The following MKRN1 variants were observed in gnomAD, a reference collection of about 807,000 sequenced individuals.
MKRN1 encodes the protein E3 ubiquitin-protein ligase makorin-1.
A neutral mutation model predicts 55.5 loss-of-function variants in MKRN1; 9 were observed. The ratio of observed to expected loss-of-function variants is 0.16; its 90% CI spans 0.10 to 0.28. MKRN1 has a LOEUF of 0.28. MKRN1 is among the 10% of genes least tolerant of loss of function. The pLI, the probability that MKRN1 is intolerant of heterozygous loss-of-function variation, is 1.00. For synonymous variants in MKRN1, 253 were observed against 235.9 expected (o/e 1.07, Z -0.66); for missense variants, 488 against 626.7 (o/e 0.78, Z 2.36).
chr7:140,458,947 G>A (rs1794541248), intron 4 of MKRN1, 60 bp downstream of exon 4: 1 of 1,552,168 alleles, frequency 6.4e-7, no homozygotes, highest in Non-Finnish European at 8.9e-7. Context: ...CCACAATGCT[G>A]TGAAAGGGCA....
At chr7:140,470,010 T>C (rs1247616730) in intron 2 of MKRN1, among the ~76,000 whole-genome samples, 1 of 136,948 alleles carries the variant, frequency 7.3e-6, no homozygotes, top group Non-Finnish European at 1.5e-5. Context: ...GCTGTGCCAC[T>C]GAACTCCAGC....
intron 1 of MKRN1, chr7:140,473,227 A>C (rs183457410): frequency 6.5e-5 from 28 of 430,118 alleles, no homozygotes; most frequent in Middle Eastern, 3.4e-4. Flanking sequence ...AAAAAAAAAA[A>C]CATCATCCAG....
chr7:140,471,213 C>T (rs984624350), intron 2 of MKRN1, among the ~76,000 whole-genome samples: 15 of 151,988 alleles, frequency 9.9e-5, no homozygotes, highest in African/African-American at 3.6e-4. Flanking sequence ...TTAAGACCCC[C>T]ATCTCTACAA....
rs1184306247 is a variant in MKRN1, at chr7:140,453,941, T to A, written c.*576A>T. The A allele has an allele frequency of 6.3e-6, 1 of 157,618 alleles. No individual in the cohort carries two copies. The highest frequency in any genetic ancestry group is 6.0e-5 in the Admixed American group (1 of 16,700). The allele number at this position is 157,618 out of a possible 1,614,324, so 9.8% of individuals were successfully genotyped here. A position where few individuals can be genotyped will look rare whatever the true frequency, so the allele number is the denominator to read the frequency against. On this transcript the variant is annotated 3_prime_UTR_variant, in exon 8 of 8. Coordinates refer to ENST00000255977, the MANE Select transcript of MKRN1 (RefSeq NM_013446.4). ...TCAACACATTCACACCTGATTCTGG[T>A]TACCCAGTAGTATTACTTGTGTGCA... is the stretch of plus-strand genomic sequence containing the variant.
rs559356136 is a variant in MKRN1 at position 140,473,096 on chromosome 7, C to CAAAAAG, written c.186-1091_186-1086dup. The CAAAAAG allele has an allele frequency of 8.4e-4, 279 of 331,514 alleles. 1 individual carries two copies. The highest frequency in any genetic ancestry group is 3.7e-3 in the African/African-American group (159 of 42,600). 20.5% of individuals were successfully genotyped at this position (331,514 alleles called of 1,614,324 possible). A position where few individuals can be genotyped will look rare whatever the true frequency, so the allele number is the denominator to read the frequency against. On this transcript the variant is annotated intron_variant, in intron 1 of 7. Transcript: ENST00000255977. ...CCTGGACAACAGAGAGACTCCATCTCAAAAAGAAAAAGAAAAAGAAAAAGA... is the reference window on the plus strand; with the variant it reads ...CCTGGACAACAGAGAGACTCCATCTCAAAAAGAAAAAGAAAAAGAAAAAGAAAAAGA...
chr7:140,459,846 T>C lies in MKRN1; in HGVS notation c.405A>G (p.Ser135=). ...TTTCAACAAGTGGTCCAACTATCGA[T>C]GAGAGACTTGAGGAAGCAGCAAGGG... ...KSSLAASSSL[S]SIVGPLVEMN... is the part of the protein sequence containing the mutation. The change falls in exon 3 of 8, where the codon TCA becomes TCG. Residue 135 remains serine (S), a synonymous_variant. Transcript: ENST00000255977. The C allele has an allele frequency of 1.9e-6, 3 of 1,614,006 alleles. No individual in the cohort carries two copies. Among genetic ancestry groups the C allele is most frequent in the Non-Finnish European group, 2.5e-6 (3 of 1,179,872 alleles).
At chr7:140,464,489 G>A (rs930573307) in intron 2 of MKRN1, among the ~76,000 whole-genome samples, 4 of 152,062 alleles carry the variant, frequency 2.6e-5, no homozygotes, top group Admixed American at 2.6e-4. Flanking sequence ...GATCACCTGA[G>A]GTCAGGAGTT....
chr7:140,456,417 A>T (rs1413862200), intron 5 of MKRN1: 10 of 1,363,058 alleles, frequency 7.3e-6, no homozygotes, highest in African/African-American at 2.9e-5. Flanking sequence ...ATCTCCTCAG[A>T]AAAAGCACGA....
chr7:140,455,592 G>C, intron 6 of MKRN1, 198 bp downstream of exon 6: 1 of 581,524 alleles, frequency 1.7e-6, no homozygotes, highest in East Asian at 2.8e-5. Context: ...TTATAACACA[G>C]TCCCTTGGCA....
intron 1 of MKRN1, chr7:140,478,266 A>G (rs866260692): frequency 3.0e-4 from 45 of 152,222 alleles, no homozygotes; most frequent in Non-Finnish European, 7.3e-5. Flanking sequence ...GTACAATTAA[A>G]TGCCCTCTTC....
intron 2 of MKRN1, among the ~76,000 whole-genome samples, chr7:140,471,493 G>C (rs1005946104): frequency 6.6e-6 from 1 of 151,984 alleles, no homozygotes; most frequent in African/African-American, 2.4e-5. Context: ...TTTTTAAGGT[G>C]GAGTCTCGCT....
At chr7:140,469,307 C>T (rs553901436) in intron 2 of MKRN1, among the ~76,000 whole-genome samples, 302 of 150,364 alleles carry the variant, frequency 2.0e-3, no homozygotes, top group Non-Finnish European at 3.7e-3. Context: ...GCCTGGGTGA[C>T]AGCGAGACTC....
chr7:140,473,259 C>T (rs1023445799), intron 1 of MKRN1: 1 of 450,164 alleles, frequency 2.2e-6, no homozygotes, highest in African/African-American at 2.0e-5. Context: ...GTTGAGTTTG[C>T]CTTCGGTGAA....
rs1353290809 is a variant in MKRN1, at chr7:140,474,004, AAAAAGAAAGAAAGAAAGAAAG to A, written c.186-2014_186-1994del. 6.2e-3 allele frequency among the ~76,000 whole-genome samples: 577 copies of A among 93,680 alleles called. 22 individuals are homozygous for A. The highest frequency in any genetic ancestry group is 0.011 in the Middle Eastern group (2 of 184). 61.5% of individuals were successfully genotyped at this position (93,680 alleles called of 152,430 possible). A position where few individuals can be genotyped will look rare whatever the true frequency, so the allele number is the denominator to read the frequency against. On this transcript the variant is annotated intron_variant, in intron 1 of 7. Transcript: ENST00000255977. ...CGAAACTCCGTCTCAAAAAAAAAAAAAAAAGAAAGAAAGAAAGAAAGAAAGAAAGAAAGAAAGAAAGAAAGA... is the reference window on the plus strand; with the variant it reads ...CGAAACTCCGTCTCAAAAAAAAAAAAAAAGAAAGAAAGAAAGAAAGAAAGA...
chr7:140,463,949 T>C (rs1386082876), intron 2 of MKRN1, among the ~76,000 whole-genome samples: 1 of 152,038 alleles, frequency 6.6e-6, no homozygotes, highest in African/African-American at 2.4e-5. Context: ...TTTTGTTTTG[T>C]TTTTTGAGAC....
intron 2 of MKRN1, among the ~76,000 whole-genome samples, chr7:140,466,556 G>C (rs1425532271): frequency 3.3e-5 from 5 of 152,170 alleles, no homozygotes; most frequent in Admixed American, 2.0e-4. Flanking sequence ...TGTAATCCCA[G>C]CACTTTGGGA....
At position 140,471,963 on chromosome 7, in the gene MKRN1, C is replaced by T. The variant is rs771413369; in HGVS notation, c.234G>A (p.Ser78=). Residue 78 remains serine, a synonymous_variant, in exon 2 of 8, where the codon TCG becomes TCA. Transcript: ENST00000255977. The part of the protein sequence containing the change: ...VCKEGDNCRY[S]HDLSDSPYSV... ...TATACGGACTGTCAGAGAGGTCATG[C>T]GAGTAGCGACAGTTGTCTCCTTCCT... is the stretch of plus-strand genomic sequence containing the variant. 7 of 1,614,098 alleles carry T rather than the reference C, an allele frequency of 4.3e-6. No homozygotes were observed. Among genetic ancestry groups the T allele is most frequent in the Non-Finnish European group, 5.1e-6 (6 of 1,180,028 alleles).
intron 4 of MKRN1, 22 bp from the exon 5 acceptor site, chr7:140,456,888 C>G: frequency 1.2e-6 from 2 of 1,606,572 alleles, no homozygotes; most frequent in South Asian, 2.2e-5. Flanking sequence ...GGAGAGAGAA[C>G]AAGTGGAATC....
chr7:140,474,543 G>A (rs145915770), intron 1 of MKRN1: 2,017 of 194,838 alleles, frequency 0.01, 20 homozygotes, highest in Non-Finnish European at 0.014. Flanking sequence ...AGATGTGATG[G>A]TGAATCATGG....
Sources: gnomAD v4.1 joint callset for allele counts (sites outside exome capture counted in the v4.1 genomes callset) on GRCh38, gnomAD v4.1.1 for gene constraint, MANE v1.5 for transcripts, NCBI Gene and HGNC (gene_info 2026-07-23, HGNC 2026-07-21) for gene names.